The following TRIM5 variants were observed in gnomAD, a reference collection of about 807,000 sequenced individuals.
TRIM5 encodes the protein tripartite motif containing 5.
In TRIM5, 31 loss-of-function variants were observed where a neutral mutation model predicts 35.6. The ratio of observed to expected loss-of-function variants is 0.87; its 90% CI spans 0.65 to 1.18. The LOEUF is 1.18. Among genes scored for constraint, TRIM5 ranks in the 50% most tolerant of loss-of-function variants. The pLI, the probability that TRIM5 is intolerant of heterozygous loss-of-function variation, is 0.00. For missense variants in TRIM5, 609 were observed against 591.6 expected, an observed-to-expected ratio of 1.03 and a Z score of -0.31; for synonymous variants, 243 against 215.6, an observed-to-expected ratio of 1.13 and a Z score of -1.11.
At chr11:5,634,547 ATT>A in the TRIM5 span, 7 of 965,710 alleles carry the variant, frequency 7.2e-6, no homozygotes, top group Admixed American at 3.0e-5. Context: ...ATATATATAT[ATT>A]TCCCTACTGG....
At chr11:5,629,045 G>A in the TRIM5 span, among the ~76,000 whole-genome samples, 20 of 152,278 alleles carry the variant, frequency 1.3e-4, no homozygotes, top group African/African-American at 4.6e-4. Context: ...GGGAGGCCGA[G>A]ACAGGTGGAT....
At chr11:5,645,568 A>C in the TRIM5 span, 4 of 153,134 alleles carry the variant, frequency 2.6e-5, no homozygotes, top group East Asian at 7.5e-4. Context: ...CCACAATAAT[A>C]AAATGATGTA....
the TRIM5 span, among the ~76,000 whole-genome samples, chr11:5,615,353 A>G: frequency 6.6e-6 from 1 of 152,112 alleles, no homozygotes; most frequent in African/African-American, 2.4e-5. Context: ...ATATACAACT[A>G]TATTTGTGGA....
At chr11:5,673,926 C>T (rs1394787845) in intron 4 of TRIM5, among the ~76,000 whole-genome samples, 1 of 151,218 alleles carries the variant, frequency 6.6e-6, no homozygotes, top group Non-Finnish European at 1.5e-5. Flanking sequence ...ATTTATTAAA[C>T]ACTATATCAG....
chr11:5,641,197 T>C, the TRIM5 span: 176 of 1,614,036 alleles, frequency 1.1e-4, 1 homozygote, highest in Non-Finnish European at 1.4e-4. Flanking sequence ...ATGGTGCGTA[T>C]GGGTGGCCAG....
chr11:5,616,809 G>A, the TRIM5 span, among the ~76,000 whole-genome samples: 5 of 141,078 alleles, frequency 3.5e-5, no homozygotes, highest in Non-Finnish European at 6.2e-5. Context: ...GCACGATCTC[G>A]GCTCACTGCA....
At chr11:5,610,697 A>G in the TRIM5 span, 2 of 1,573,102 alleles carry the variant, frequency 1.3e-6, no homozygotes, top group Non-Finnish European at 1.7e-6. Context: ...TCCTCCAACC[A>G]CTTCCTGTGT....
the TRIM5 span, chr11:5,596,791 C>T: frequency 9.6e-6 from 15 of 1,570,298 alleles, no homozygotes; most frequent in Middle Eastern, 1.7e-4. Context: ...GCCGAGTGAG[C>T]GCGCTCTGTT....
intron 4 of TRIM5, among the ~76,000 whole-genome samples, chr11:5,670,524 A>T (rs1851508657): frequency 6.6e-6 from 1 of 152,154 alleles, no homozygotes; most frequent in South Asian, 2.1e-4. Flanking sequence ...CAGGAATTAC[A>T]TATATTAACT....
At chr11:5,669,318 G>A (rs1590235649) in intron 4 of TRIM5, among the ~76,000 whole-genome samples, 3 of 152,246 alleles carry the variant, frequency 2.0e-5, no homozygotes, top group South Asian at 4.1e-4. Context: ...AACCTCAGGC[G>A]ATCCGCCTGC....
the TRIM5 span, among the ~76,000 whole-genome samples, chr11:5,657,637 AT>A: frequency 1.6e-5 from 2 of 123,544 alleles, no homozygotes; most frequent in African/African-American, 6.4e-5. Flanking sequence ...CATTATATAT[AT>A]TATTTATATA....
At chr11:5,673,010 A>G (rs1406228900) in intron 4 of TRIM5, among the ~76,000 whole-genome samples, 1 of 152,208 alleles carries the variant, frequency 6.6e-6, no homozygotes, top group Non-Finnish European at 1.5e-5. Flanking sequence ...TGCAGAAAAT[A>G]ACAACATCAA....
chr11:5,637,026 A>T, the TRIM5 span, among the ~76,000 whole-genome samples: 1 of 152,192 alleles, frequency 6.6e-6, no homozygotes, highest in Non-Finnish European at 1.5e-5. Context: ...TATACAAAAA[A>T]TTAGCTGGTG....
At chr11:5,680,734 T>C (rs185771068) in intron 1 of TRIM5, among the ~76,000 whole-genome samples, 123 of 152,356 alleles carry the variant, frequency 8.1e-4, no homozygotes, top group Non-Finnish European at 8.5e-4. Flanking sequence ...CTGACTACCT[T>C]ATGTGCAGTG....
At chr11:5,655,864 A>G in the TRIM5 span, among the ~76,000 whole-genome samples, 22 of 152,350 alleles carry the variant, frequency 1.4e-4, no homozygotes, top group South Asian at 3.5e-3. Flanking sequence ...CACATCTACA[A>G]CCATCTGATC....
the TRIM5 span, among the ~76,000 whole-genome samples, chr11:5,617,692 G>A: frequency 9.7e-5 from 14 of 144,958 alleles, 1 homozygote; most frequent in South Asian, 9.0e-4. Flanking sequence ...GTTTCGCCAT[G>A]TTAGCCAGGC....
chr11:5,670,429 A>G (rs1232406035), intron 4 of TRIM5, among the ~76,000 whole-genome samples: 1 of 151,854 alleles, frequency 6.6e-6, no homozygotes, highest in African/African-American at 2.4e-5. Flanking sequence ...TCGGCCTCCC[A>G]AAGTGCTAGG....
At chr11:5,667,362 A>G (rs893470288) in intron 5 of TRIM5, among the ~76,000 whole-genome samples, 1 of 151,842 alleles carries the variant, frequency 6.6e-6, no homozygotes, top group African/African-American at 2.4e-5. Flanking sequence ...ACGGGCCACC[A>G]CGCCCCCCTA....
the TRIM5 span, chr11:5,595,227 C>T: frequency 6.6e-6 from 1 of 152,224 alleles, no homozygotes; most frequent in Non-Finnish European, 1.5e-5. Context: ...CAAGGTGATA[C>T]TCACCTAATC....
Sources: allele counts gnomAD v4.1 joint callset (sites outside exome capture counted in the v4.1 genomes callset), GRCh38; gene constraint gnomAD v4.1.1; transcripts MANE v1.5; gene names NCBI Gene and HGNC (gene_info 2026-07-23, HGNC 2026-07-21).